Variants in NRXN3 observed in about 807,000 individuals in gnomAD.
NRXN3 encodes the protein neurexin III.
Under a neutral mutation model 137.6 loss-of-function variants are expected in NRXN3, and 32 were observed. That is an observed-to-expected ratio of 0.23 (90% CI 0.18 to 0.31). The LOEUF is 0.31. Ranked by LOEUF, NRXN3 falls within the 10% of genes least tolerant of loss-of-function variation. The pLI is 1.00. For synonymous variants in NRXN3, 798 were observed against 784.5 expected, an observed-to-expected ratio of 1.02 and a Z score of -0.29; for missense variants, 1,574 against 2,062.5, an observed-to-expected ratio of 0.76 and a Z score of 4.59.
intron 8 of NRXN3, among the ~76,000 whole-genome samples, chr14:78,738,465 C>A (rs536203831): frequency 3.9e-5 from 6 of 152,284 alleles, no homozygotes; most frequent in African/African-American, 1.2e-4. Flanking sequence ...ACCTCTCAGA[C>A]CCCACCCTCA....
intron 16 of NRXN3, among the ~76,000 whole-genome samples, chr14:79,542,829 G>T (rs1447197627): frequency 6.6e-6 from 1 of 151,952 alleles, no homozygotes; most frequent in Non-Finnish European, 1.5e-5. Flanking sequence ...AGCAGGGATA[G>T]CCAACTAAAC....
chr14:79,685,734 GA>G (rs550768301), intron 17 of NRXN3, among the ~76,000 whole-genome samples: 154 of 152,314 alleles, frequency 1.0e-3, no homozygotes, highest in African/African-American at 3.5e-3. Flanking sequence ...AAAGTACTGA[GA>G]AAGGATAATG....
intron 4 of NRXN3, among the ~76,000 whole-genome samples, chr14:78,477,865 G>A (rs565963584): frequency 6.6e-6 from 1 of 152,096 alleles, no homozygotes; most frequent in South Asian, 2.1e-4. Flanking sequence ...CACCATTAGG[G>A]TAGGGAAACA....
chr14:78,741,007 A>G (rs889907337), intron 8 of NRXN3, among the ~76,000 whole-genome samples: 2 of 152,172 alleles, frequency 1.3e-5, no homozygotes, highest in African/African-American at 4.8e-5. Context: ...AGAGGTGGCC[A>G]AGATGTTTTC....
intron 6 of NRXN3, among the ~76,000 whole-genome samples, chr14:78,680,088 A>G (rs1037284898): frequency 6.6e-6 from 1 of 152,130 alleles, no homozygotes; most frequent in Admixed American, 6.5e-5. Flanking sequence ...ATATACATGG[A>G]TGGAACTGGA....
intron 16 of NRXN3, among the ~76,000 whole-genome samples, chr14:79,595,554 T>C (rs78963418): frequency 0.063 from 9,519 of 152,228 alleles, 373 homozygotes; most frequent in Middle Eastern, 0.12. Context: ...CAGTGTAAAA[T>C]AGTTTTCATC....
chr14:78,884,251 AT>A (rs1251120865), intron 10 of NRXN3, among the ~76,000 whole-genome samples: 1 of 152,062 alleles, frequency 6.6e-6, no homozygotes, highest in African/African-American at 2.4e-5. Context: ...GAAAGCATTT[AT>A]TTTTTGGGTA....
intron 8 of NRXN3, among the ~76,000 whole-genome samples, chr14:78,790,167 T>G (rs1239058480): frequency 6.6e-6 from 1 of 152,216 alleles, no homozygotes; most frequent in Admixed American, 6.5e-5. Context: ...CTCTATAAAC[T>G]TTTTGGTAAA....
At chr14:79,826,010 TG>T (rs1048509084) in intron 20 of NRXN3, among the ~76,000 whole-genome samples, 1 of 151,520 alleles carries the variant, frequency 6.6e-6, no homozygotes, top group Non-Finnish European at 1.5e-5. Context: ...ATTTTTTTTT[TG>T]TGGGGGGACA....
In NRXN3 at chr14:79,657,649, T is replaced by C. The variant is rs569070510; in HGVS notation, c.3445-6129T>C. Among the ~76,000 whole-genome samples the C allele has an allele frequency of 3.9e-5, 6 of 152,316 alleles. No individual in the cohort carries two copies. The East Asian group carries it at 5.8e-4, about 15-fold the overall frequency. Reference sequence around the variant, plus strand: ...ATGATCTTCACTGAAAGACACTTAATAGCCACAAAAAGAGCGCAAATTATG... The same window carrying C: ...ATGATCTTCACTGAAAGACACTTAACAGCCACAAAAAGAGCGCAAATTATG... On this transcript the variant is annotated intron_variant, in intron 16 of 20. Coordinates refer to ENST00000335750, the MANE Select transcript of NRXN3 (RefSeq NM_001330195.2).
chr14:78,926,893 T>TA lies in NRXN3; in HGVS notation c.2276-30348dup, dbSNP rs1253205152. On this transcript the variant is annotated intron_variant, in intron 10 of 20. Transcript: ENST00000335750. ...ATATAATATATAATATATTTATATA[T>TA]ATATATAATATATATAATATATATA... 1.9e-4 allele frequency among the ~76,000 whole-genome samples: 5 copies of TA among 26,918 alleles called. 2 individuals carry two copies. The highest frequency in any genetic ancestry group is 6.2e-4 in the African/African-American group (2 of 3,234). 17.7% of individuals were successfully genotyped at this position (26,918 alleles called of 152,430 possible).
At chr14:79,064,771 A>G (rs987326755) in intron 15 of NRXN3, among the ~76,000 whole-genome samples, 8 of 140,178 alleles carry the variant, frequency 5.7e-5, no homozygotes, top group African/African-American at 2.1e-4. Flanking sequence ...ATATATATGT[A>G]TGTGTGTATA....
chr14:78,837,547 A>G (rs2099000580), intron 10 of NRXN3, among the ~76,000 whole-genome samples: 2 of 151,092 alleles, frequency 1.3e-5, no homozygotes, highest in African/African-American at 2.4e-5. Flanking sequence ...ATGCTCTCAT[A>G]TGGTACTTTT....
chr14:79,655,725 G>A (rs992849265), intron 16 of NRXN3, among the ~76,000 whole-genome samples: 6 of 151,942 alleles, frequency 3.9e-5, no homozygotes, highest in African/African-American at 7.3e-5. Context: ...AGCAGCATGC[G>A]TGGCCTCGAC....
At chr14:79,215,252 C>G (rs903268567) in intron 15 of NRXN3, among the ~76,000 whole-genome samples, 1 of 152,074 alleles carries the variant, frequency 6.6e-6, no homozygotes, top group Non-Finnish European at 1.5e-5. Context: ...ATGGCCCATC[C>G]CAGCACTATT....
intron 16 of NRXN3, among the ~76,000 whole-genome samples, chr14:79,539,409 T>A (rs988953593): frequency 6.6e-6 from 1 of 152,118 alleles, no homozygotes; most frequent in African/African-American, 2.4e-5. Context: ...TCTCAGAACC[T>A]CTCTTGGTCA....
intron 4 of NRXN3, among the ~76,000 whole-genome samples, chr14:78,472,520 G>A (rs1025848866): frequency 1.5e-4 from 23 of 152,148 alleles, no homozygotes; most frequent in African/African-American, 5.6e-4. Context: ...AAACATTGAA[G>A]AGAACCCAAA....
At chr14:79,430,373 A>G (rs141168543) in intron 15 of NRXN3, among the ~76,000 whole-genome samples, 1 of 152,150 alleles carries the variant, frequency 6.6e-6, no homozygotes, top group East Asian at 1.9e-4. Flanking sequence ...AGTTTGTTGA[A>G]TCTCCCTCCT....
chr14:79,768,191 G>A (rs1366560127), intron 19 of NRXN3, among the ~76,000 whole-genome samples: 2 of 152,326 alleles, frequency 1.3e-5, no homozygotes, highest in East Asian at 3.9e-4. Context: ...CAGCCAGACT[G>A]GGGGAGGGGC....
Sources: gnomAD v4.1 joint callset for allele counts (sites outside exome capture counted in the v4.1 genomes callset) on GRCh38, gnomAD v4.1.1 for gene constraint, MANE v1.5 for transcripts, NCBI Gene and HGNC (gene_info 2026-07-23, HGNC 2026-07-21) for gene names.